Variants in CACNA2D1 observed in about 807,000 individuals in gnomAD.
CACNA2D1 encodes the protein voltage-dependent calcium channel subunit alpha-2/delta-1.
A neutral mutation model predicts 171.5 loss-of-function variants in CACNA2D1; 53 were observed. The observed-to-expected ratio is 0.31, with a 90% CI of 0.25 to 0.39. CACNA2D1 has a LOEUF of 0.39. Ranked by LOEUF, CACNA2D1 falls within the 10% of genes least tolerant of loss-of-function variation. CACNA2D1 has a pLI of 1.00. For synonymous variants in CACNA2D1, 442 were observed against 443.1 expected (o/e 1.00, Z 0.03); for missense variants, 903 against 1,299.8 (o/e 0.69, Z 4.69).
At position 82,064,384 on chromosome 7, in the gene CACNA2D1, C is replaced by T. The variant is rs749281965; in HGVS notation, c.729-30G>A. ...AACAAATATTGTAATAAATGCTTTTCTCTTCCAAAATATCAAACACTGATA... is the reference window on the plus strand; with the variant it reads ...AACAAATATTGTAATAAATGCTTTTTTCTTCCAAAATATCAAACACTGATA... On this transcript the variant is annotated intron_variant, in intron 8 of 38. Coordinates refer to ENST00000356860, the MANE Select transcript of CACNA2D1 (RefSeq NM_000722.4). 2.6e-6 allele frequency: 4 copies of T among 1,527,060 alleles called. No homozygotes were observed. In the South Asian group the frequency reaches 4.5e-5, roughly 17 times the overall value. 94.6% of individuals were successfully genotyped at this position (1,527,060 alleles called of 1,614,324 possible). A position where few individuals can be genotyped will look rare whatever the true frequency, so the allele number is the denominator to read the frequency against.
In CACNA2D1 at chr7:81,983,342, A is replaced by G; in HGVS notation, c.1874-8T>C. ...TCATTTTGCCCTTTTTTGCTGTGAA[A>G]ATCCATCAGAAAGAGAAAGCAGGGA... On this transcript the variant is annotated splice_region_variant and splice_polypyrimidine_tract_variant and intron_variant, in intron 22 of 38. Coordinates refer to ENST00000356860, the MANE Select transcript of CACNA2D1 (RefSeq NM_000722.4). 3 of 1,609,622 alleles carry G rather than the reference A, an allele frequency of 1.9e-6. No homozygotes were observed. The South Asian group carries it at 3.3e-5, about 18-fold the overall frequency.
At chr7:82,068,482 C>T (rs1807928973) in intron 7 of CACNA2D1, among the ~76,000 whole-genome samples, 1 of 152,142 alleles carries the variant, frequency 6.6e-6, no homozygotes, top group South Asian at 2.1e-4. Flanking sequence ...GTTGTTATTA[C>T]ACATTATATA....
intron 5 of CACNA2D1, among the ~76,000 whole-genome samples, chr7:82,129,331 A>G (rs966966194): frequency 6.6e-5 from 10 of 152,182 alleles, no homozygotes; most frequent in African/African-American, 2.4e-4. Flanking sequence ...TCCTTCCATT[A>G]AATCCTTGAT....
intron 4 of CACNA2D1, among the ~76,000 whole-genome samples, chr7:82,139,431 T>C (rs556117659): frequency 1.3e-5 from 2 of 152,316 alleles, no homozygotes; most frequent in South Asian, 4.1e-4. Flanking sequence ...CTAAGTTTAT[T>C]TGAGAATTTC....
chr7:82,235,978 G>A (rs1218588448), intron 3 of CACNA2D1, among the ~76,000 whole-genome samples: 3 of 152,148 alleles, frequency 2.0e-5, no homozygotes, highest in Non-Finnish European at 2.9e-5. Context: ...GGATGACTAT[G>A]TGCCCATGAA....
intron 3 of CACNA2D1, among the ~76,000 whole-genome samples, chr7:82,287,332 A>G (rs1810928552): frequency 6.6e-6 from 1 of 151,198 alleles, no homozygotes; most frequent in African/African-American, 2.4e-5. Flanking sequence ...CTTAAATTAT[A>G]TTTAGGCAGG....
At chr7:82,055,149 A>C (rs1297856723) in intron 10 of CACNA2D1, among the ~76,000 whole-genome samples, 1 of 152,220 alleles carries the variant, frequency 6.6e-6, no homozygotes, top group African/African-American at 2.4e-5. Flanking sequence ...CAAAAGTCAG[A>C]ACATCAATAG....
chr7:82,410,718 G>C (rs1423599006), intron 1 of CACNA2D1, among the ~76,000 whole-genome samples: 1 of 152,218 alleles, frequency 6.6e-6, no homozygotes, highest in African/African-American at 2.4e-5. Flanking sequence ...GCACGGGGAA[G>C]GCAGAATGAA....
At chr7:82,082,942 C>G (rs1036673750) in intron 7 of CACNA2D1, among the ~76,000 whole-genome samples, 1 of 151,864 alleles carries the variant, frequency 6.6e-6, no homozygotes, top group Admixed American at 6.6e-5. Flanking sequence ...GTTAAAAGAG[C>G]CATTTTTGAA....
chr7:82,353,510 A>G (rs1186094605), intron 1 of CACNA2D1, among the ~76,000 whole-genome samples: 1 of 152,140 alleles, frequency 6.6e-6, no homozygotes, highest in East Asian at 1.9e-4. Context: ...TAGAAATTAA[A>G]GATCAATGTA....
chr7:82,319,079 T>C (rs753012349), intron 3 of CACNA2D1, among the ~76,000 whole-genome samples: 7 of 152,166 alleles, frequency 4.6e-5, no homozygotes. Flanking sequence ...AAATTGAGAC[T>C]ATCAATACCA....
chr7:82,052,941 C>T (rs1805357666), intron 10 of CACNA2D1, among the ~76,000 whole-genome samples: 1 of 152,094 alleles, frequency 6.6e-6, no homozygotes, highest in African/African-American at 2.4e-5. Flanking sequence ...CTATGAAAAA[C>T]ACTTAGAACA....
intron 3 of CACNA2D1, among the ~76,000 whole-genome samples, chr7:82,296,722 C>T (rs544169772): frequency 4.3e-4 from 65 of 152,106 alleles, no homozygotes; most frequent in African/African-American, 1.5e-3. Flanking sequence ...TTTATGATTT[C>T]ATTTGTTATA....
chr7:82,279,037 C>A (rs1809732584), intron 3 of CACNA2D1, among the ~76,000 whole-genome samples: 1 of 152,180 alleles, frequency 6.6e-6, no homozygotes, highest in South Asian at 2.1e-4. Flanking sequence ...CCCATCCCAG[C>A]ATTTCATCCA....
In CACNA2D1 at chr7:82,019,797, G is replaced by A. The variant is rs186700004; in HGVS notation, c.1144-5318C>T. Among the ~76,000 whole-genome samples the A allele has an allele frequency of 1.3e-3, 199 of 152,012 alleles. 2 individuals are homozygous for A. The highest frequency in any genetic ancestry group is 1.9e-3 in the Non-Finnish European group (132 of 67,990). On this transcript the variant is annotated intron_variant, in intron 12 of 38. Transcript: ENST00000356860. ...AATAGGCAAATCTCCAAAGAATAAT[G>A]GAAATTAGTCTATGAAGAAAGCCAA...
At chr7:82,284,689 A>AT (rs1810535595) in intron 3 of CACNA2D1, among the ~76,000 whole-genome samples, 1 of 152,160 alleles carries the variant, frequency 6.6e-6, no homozygotes, top group Admixed American at 6.5e-5. Flanking sequence ...CGCTAATGGC[A>AT]TCCAGGAGAG....
intron 6 of CACNA2D1, among the ~76,000 whole-genome samples, chr7:82,109,226 C>CTTT (rs3086908): frequency 0.078 from 11,754 of 151,438 alleles, 545 homozygotes; most frequent in South Asian, 0.14. Flanking sequence ...TTAAAGAACC[C>CTTT]TTTTTTTTGC....
In CACNA2D1 at chr7:81,970,128, T is replaced by A. The variant is rs527781539; in HGVS notation, c.2205-144A>T. 4 of 671,596 alleles carry A rather than the reference T, an allele frequency of 6.0e-6. No homozygotes were observed. The African/African-American group carries it at 7.2e-5, about 12-fold the overall frequency. The allele number at this position is 671,596 out of a possible 1,614,324, so 41.6% of individuals were successfully genotyped here. ...TAGTGGTAATTGATAGCATAACTGATACTCATTACTGAGCAATGCATCAGC... is the reference window on the plus strand; with the variant it reads ...TAGTGGTAATTGATAGCATAACTGAAACTCATTACTGAGCAATGCATCAGC... On this transcript the variant is annotated intron_variant, in intron 27 of 38. Transcript: ENST00000356860.
At chr7:81,989,057 A>G (rs1267552272) in intron 21 of CACNA2D1, among the ~76,000 whole-genome samples, 1 of 152,144 alleles carries the variant, frequency 6.6e-6, no homozygotes, top group East Asian at 1.9e-4. Context: ...TAAAGATGGG[A>G]AGATGAGGGA....
Sources: gnomAD v4.1 joint callset for allele counts (sites outside exome capture counted in the v4.1 genomes callset) on GRCh38, gnomAD v4.1.1 for gene constraint, MANE v1.5 for transcripts, NCBI Gene and HGNC (gene_info 2026-07-23, HGNC 2026-07-21) for gene names.